The following HS6ST2 variants were observed in gnomAD, a reference collection of about 807,000 sequenced individuals.
HS6ST2 encodes the protein heparan sulfate 6-O-sulfotransferase 2.
HS6ST2 carries 17 observed loss-of-function variants against 33.0 expected under a neutral mutation model. The ratio of observed to expected loss-of-function variants is 0.52; its 90% CI spans 0.35 to 0.77. The LOEUF (loss-of-function observed/expected upper bound fraction) is 0.77, where lower values mean the gene tolerates loss of function less well. Among genes scored for constraint, HS6ST2 ranks in the 30% least tolerant of loss-of-function variants. The probability of loss-of-function intolerance (pLI) is 0.01; values close to 1 mark genes in which losing one functional copy is unlikely to be tolerated. For synonymous variants in HS6ST2, 248 were observed against 237.1 expected (o/e 1.05, Z -0.42); for missense variants, 519 against 551.7 (o/e 0.94, Z 0.59).
intron 2 of HS6ST2, among the ~76,000 whole-genome samples, chrX:132,916,872 G>A (rs1419674357): frequency 1.8e-5 from 2 of 111,765 alleles, no homozygotes; most frequent in South Asian, 3.8e-4. Flanking sequence ...ATGGCCTATC[G>A]TGGGACTTCA....
chrX:132,723,103 TACA>T (rs2064351708), intron 2 of HS6ST2, among the ~76,000 whole-genome samples: 1 of 110,971 alleles, frequency 9.0e-6, no homozygotes, highest in South Asian at 3.8e-4. Flanking sequence ...CCTAGACACA[TACA>T]ACCTACCAAG....
At chrX:132,911,585 A>C (rs1020866643) in intron 2 of HS6ST2, among the ~76,000 whole-genome samples, 3 of 109,841 alleles carry the variant, frequency 2.7e-5, no homozygotes. Context: ...ATGATCCCTT[A>C]GATTTCAGTT....
intron 2 of HS6ST2, among the ~76,000 whole-genome samples, chrX:132,821,812 G>A (rs2065462480): frequency 9.0e-6 from 1 of 110,684 alleles, no homozygotes; most frequent in East Asian, 2.9e-4. Flanking sequence ...GCAACATGGC[G>A]AAACCCTATC....
intron 3 of HS6ST2, among the ~76,000 whole-genome samples, chrX:132,691,000 T>C (rs978351800): frequency 8.9e-6 from 1 of 111,882 alleles, no homozygotes; most frequent in Admixed American, 9.5e-5. Flanking sequence ...GGTCGCATTA[T>C]TATGCCAAGT....
At chrX:132,837,865 C>T (rs7887600) in intron 2 of HS6ST2, among the ~76,000 whole-genome samples, 15,932 of 111,111 alleles carry the variant, frequency 0.14, 946 homozygotes, top group East Asian at 0.32. Context: ...CCAGCCCCAT[C>T]TTGTAAGGAG....
intron 2 of HS6ST2, among the ~76,000 whole-genome samples, chrX:132,897,932 T>C (rs1226042946): frequency 9.0e-6 from 1 of 111,572 alleles, no homozygotes; most frequent in Non-Finnish European, 1.9e-5. Context: ...TCCCCATCCC[T>C]GGGCCACGAA....
intron 2 of HS6ST2, among the ~76,000 whole-genome samples, chrX:132,955,590 G>A (rs1191056198): frequency 2.7e-5 from 3 of 111,968 alleles, no homozygotes; most frequent in Non-Finnish European, 5.6e-5. Context: ...ACACAGACAT[G>A]TCCTTGCCGG....
At chrX:132,673,372 A>G (rs144741833) in intron 3 of HS6ST2, among the ~76,000 whole-genome samples, 1,804 of 112,375 alleles carry the variant, frequency 0.016, 25 homozygotes, top group South Asian at 0.081. Context: ...CACATGTCAC[A>G]TATCTTCCAT....
At chrX:132,874,884 G>T (rs757066543) in intron 2 of HS6ST2, among the ~76,000 whole-genome samples, 6 of 111,545 alleles carry the variant, frequency 5.4e-5, no homozygotes, top group Non-Finnish European at 9.4e-5. Context: ...TGTGGGAGAG[G>T]TTCCCCAACA....
At chrX:132,960,146 C>G (rs1347441836), upstream of HS6ST2, among the ~76,000 whole-genome samples, 1 of 112,219 alleles carries the variant, frequency 8.9e-6, no homozygotes, top group African/African-American at 3.2e-5. Flanking sequence ...CAGTAACTTA[C>G]AAGGTTGACC....
In HS6ST2 at chrX:132,628,432, G is replaced by A; in HGVS notation, c.1729C>T (p.Gln577Ter). The part of the protein sequence containing the change: ...QTHFQSQGQG[Q>*]SQNPNQNQSQ... ...TGATTCTGATTCGGATTCTGGCTCT[G>A]GCCCTGACCCTGGCTCTGGAAATGG... Residue 577 changes from glutamine to a stop codon, truncating the protein, a stop_gained, in exon 5 of 5, where the codon CAG (glutamine) becomes TAG (stop). Transcript: ENST00000370833. LOFTEE classifies it high-confidence loss of function. 1 of 1,208,094 alleles carries A rather than the reference G, an allele frequency of 8.3e-7. No individual in the cohort carries two copies. Among genetic ancestry groups the A allele is most frequent in the Non-Finnish European group, 1.1e-6 (1 of 892,839 alleles).
intron 2 of HS6ST2, among the ~76,000 whole-genome samples, chrX:132,860,929 A>G (rs1188052240): frequency 1.8e-5 from 2 of 108,240 alleles, no homozygotes; most frequent in Middle Eastern, 4.3e-3. Context: ...CTGGGATTAC[A>G]GTCATAGTAT....
intron 2 of HS6ST2, among the ~76,000 whole-genome samples, chrX:132,865,029 A>G (rs1168511673): frequency 1.8e-5 from 2 of 110,434 alleles, no homozygotes; most frequent in African/African-American, 6.6e-5. Context: ...CACCATGTGC[A>G]GCTTACTTAC....
intron 2 of HS6ST2, among the ~76,000 whole-genome samples, chrX:132,720,390 A>G (rs1366566367): frequency 9.0e-6 from 1 of 110,767 alleles, no homozygotes; most frequent in East Asian, 2.8e-4. Context: ...ACTGCCCAAC[A>G]GTTGGCAGTT....
chrX:132,854,125 G>A (rs375474179), intron 2 of HS6ST2, among the ~76,000 whole-genome samples: 1 of 111,912 alleles, frequency 8.9e-6, no homozygotes, highest in Non-Finnish European at 1.9e-5. Flanking sequence ...TCTTAACAGC[G>A]TTTTGGAATC....
chrX:132,642,260 G>A (rs932151002), intron 4 of HS6ST2, among the ~76,000 whole-genome samples: 4 of 111,536 alleles, frequency 3.6e-5, no homozygotes, highest in Non-Finnish European at 7.5e-5. Flanking sequence ...TGGAGAAATC[G>A]TTAGAGGAAA....
chrX:132,814,933 C>G (rs2065381794), intron 2 of HS6ST2, among the ~76,000 whole-genome samples: 1 of 112,119 alleles, frequency 8.9e-6, no homozygotes, highest in African/African-American at 3.2e-5. Flanking sequence ...TTTTAAAACC[C>G]AAGTCAAATG....
At chrX:132,776,684 G>C (rs1344176287) in intron 2 of HS6ST2, among the ~76,000 whole-genome samples, 1 of 110,811 alleles carries the variant, frequency 9.0e-6, no homozygotes, top group Non-Finnish European at 1.9e-5. Context: ...GTGGCAACCA[G>C]CCTACCTTAT....
intron 2 of HS6ST2, among the ~76,000 whole-genome samples, chrX:132,870,537 C>T (rs1412163957): frequency 1.8e-5 from 2 of 111,527 alleles, no homozygotes; most frequent in Admixed American, 1.9e-4. Flanking sequence ...GCTAGAGTAA[C>T]CAAAACAGCA....
Sources: allele counts gnomAD v4.1 joint callset (sites outside exome capture counted in the v4.1 genomes callset), GRCh38; gene constraint gnomAD v4.1.1; transcripts MANE v1.5; gene names NCBI Gene and HGNC (gene_info 2026-07-23, HGNC 2026-07-21).